CLYBL: variants seen among roughly 807,000 people sequenced by gnomAD.
The protein encoded by CLYBL is citramalyl-CoA lyase.
Under a neutral mutation model 38.9 loss-of-function variants are expected in CLYBL, and 31 were observed. The ratio of observed to expected loss-of-function variants is 0.80; its 90% CI spans 0.60 to 1.08. The LOEUF (loss-of-function observed/expected upper bound fraction) is 1.08, where lower values mean the gene tolerates loss of function less well. Ranked by LOEUF, CLYBL falls within the 50% of genes least tolerant of loss-of-function variation. CLYBL has a pLI of 0.00. For missense variants in CLYBL, 434 were observed against 411.6 expected (o/e 1.05, Z -0.47); for synonymous variants, 171 against 158.6 (o/e 1.08, Z -0.59).
chr13:99,706,671 C>T (rs1166342668), intron 1 of CLYBL, among the ~76,000 whole-genome samples: 2 of 152,216 alleles, frequency 1.3e-5, no homozygotes, highest in African/African-American at 4.8e-5. Flanking sequence ...AGTAGATCTA[C>T]ATGTCCCTAA....
At chr13:99,641,362 T>G (rs2047090865) in intron 1 of CLYBL, among the ~76,000 whole-genome samples, 1 of 152,220 alleles carries the variant, frequency 6.6e-6, no homozygotes, top group Admixed American at 6.5e-5. Flanking sequence ...AAAAAATCAC[T>G]TTATTTCTTA....
Position 99,743,973 on chromosome 13 carries a change from T to C in CLYBL, c.63-28851T>C, listed in dbSNP as rs1390613803. Reference sequence around the variant, plus strand: ...TTTTTTTTTCTCTTCTTTCTTTTTTTTTTTTTTTTTTTTTTTTGAGACGGA... The same window carrying C: ...TTTTTTTTTCTCTTCTTTCTTTTTTCTTTTTTTTTTTTTTTTTGAGACGGA... On this transcript the variant is annotated intron_variant, in intron 1 of 8. Transcript: ENST00000339105. Among the ~76,000 whole-genome samples the C allele has an allele frequency of 3.9e-4, 54 of 137,598 alleles. 1 individual carries two copies. The highest frequency in any genetic ancestry group is 6.6e-4 in the Non-Finnish European group (42 of 63,606). The allele number at this position is 137,598 out of a possible 152,430, so 90.3% of individuals were successfully genotyped here. A position where few individuals can be genotyped will look rare whatever the true frequency, so the allele number is the denominator to read the frequency against.
chr13:99,817,654 C>CAAAAAAAAAAAA (rs1189248896), intron 2 of CLYBL, among the ~76,000 whole-genome samples: 9 of 48,972 alleles, frequency 1.8e-4, no homozygotes, highest in East Asian at 1.7e-3. Flanking sequence ...GACTCTGTCT[C>CAAAAAAAAAAAA]AAAAAAAAAA....
intron 7 of CLYBL, among the ~76,000 whole-genome samples, chr13:99,889,540 G>A (rs917923237): frequency 5.3e-5 from 8 of 152,176 alleles, no homozygotes; most frequent in Non-Finnish European, 1.2e-4. Context: ...GGTAAAAACA[G>A]TAAAAACAAG....
In CLYBL at chr13:99,642,655, T is replaced by C. The variant is rs2047113413; in HGVS notation, c.62+35898T>C. ...CTGGTCTCAAACTCCTGGGTTCAGG[T>C]GATCCTTCTGCCTCATTCTTCCCAA... On this transcript the variant is annotated intron_variant, in intron 1 of 8. Transcript: ENST00000339105. 3.3e-5 allele frequency among the ~76,000 whole-genome samples: 5 copies of C among 152,216 alleles called. No homozygotes were observed. In the South Asian group the frequency reaches 1.0e-3, roughly 32 times the overall value.
intron 1 of CLYBL, among the ~76,000 whole-genome samples, chr13:99,694,121 A>G (rs2047946047): frequency 6.6e-6 from 1 of 152,186 alleles, no homozygotes; most frequent in African/African-American, 2.4e-5. Context: ...TCTTTCCTTC[A>G]TCTGTGAGGC....
rs181842641 is a variant in CLYBL at position 99,788,316 on chromosome 13, G to A, written c.249+15306G>A. On this transcript the variant is annotated intron_variant, in intron 2 of 8. Transcript: ENST00000339105. ...AATGCTTCCAGTTTTTGCCCATTCA[G>A]TATGATACTGGCTGTGGATTTGTCA... Among the ~76,000 whole-genome samples, 977 of 152,188 alleles carry A rather than the reference G, an allele frequency of 6.4e-3. 9 individuals carry two copies. Among genetic ancestry groups the A allele is most frequent in the African/African-American group, 0.023 (947 of 41,496 alleles).
At chr13:99,745,071 A>G (rs1212980912) in intron 1 of CLYBL, among the ~76,000 whole-genome samples, 2 of 152,222 alleles carry the variant, frequency 1.3e-5, no homozygotes, top group African/African-American at 2.4e-5. Context: ...AGGGAAGACA[A>G]ATATCAGCGT....
chr13:99,860,210 G>A (rs1028183860), intron 3 of CLYBL, among the ~76,000 whole-genome samples: 2 of 152,084 alleles, frequency 1.3e-5, no homozygotes, highest in Admixed American at 6.6e-5. Flanking sequence ...AAACTATCTC[G>A]ATAATTTTTA....
intron 1 of CLYBL, among the ~76,000 whole-genome samples, chr13:99,725,876 C>T (rs1453815872): frequency 6.6e-6 from 1 of 152,136 alleles, no homozygotes; most frequent in African/African-American, 2.4e-5. Flanking sequence ...TGCTTTCTCT[C>T]CTGTTAATCC....
intron 1 of CLYBL, among the ~76,000 whole-genome samples, chr13:99,704,078 A>G (rs1370330524): frequency 6.6e-6 from 1 of 152,210 alleles, no homozygotes; most frequent in Non-Finnish European, 1.5e-5. Context: ...GCTTATGTAA[A>G]GACTCAAGCC....
At chr13:99,751,247 G>A (rs189270658) in intron 1 of CLYBL, among the ~76,000 whole-genome samples, 3 of 151,404 alleles carry the variant, frequency 2.0e-5, no homozygotes, top group African/African-American at 4.9e-5. Flanking sequence ...TTTAGATGGA[G>A]TCTCACTCTG....
Position 99,733,246 on chromosome 13 carries a change from T to C in CLYBL, c.63-39578T>C, listed in dbSNP as rs576121180. Among the ~76,000 whole-genome samples, 3 of 151,876 alleles carry C rather than the reference T, an allele frequency of 2.0e-5. No homozygotes were observed. The South Asian group carries it at 6.2e-4, about 32-fold the overall frequency. On this transcript the variant is annotated intron_variant, in intron 1 of 8. Transcript: ENST00000339105. ...CTCATAATCCCAATAATGTAAGATA[T>C]AGTAGAGATGAGTAGAGAACAGAAC...
intron 2 of CLYBL, among the ~76,000 whole-genome samples, chr13:99,839,843 C>T (rs34591731): frequency 0.66 from 100,175 of 151,776 alleles, 33,923 homozygotes; most frequent in African/African-American, 0.81. Flanking sequence ...CCAGTTATAC[C>T]CTTCTAGTTA....
intron 1 of CLYBL, among the ~76,000 whole-genome samples, chr13:99,754,748 C>CTTTT (rs35982336): frequency 1.4e-4 from 17 of 124,420 alleles, no homozygotes; most frequent in East Asian, 2.4e-4. Flanking sequence ...CCATGCCCAG[C>CTTTT]TTTTTTTTTT....
intron 1 of CLYBL, among the ~76,000 whole-genome samples, chr13:99,730,524 G>A (rs2048569825): frequency 6.6e-6 from 1 of 152,210 alleles, no homozygotes; most frequent in African/African-American, 2.4e-5. Context: ...GCCATGCCAG[G>A]CGAAGAGGAA....
chr13:99,864,719 T>C, intron 4 of CLYBL, 99 bp from the exon 5 acceptor site: 1 of 785,090 alleles, frequency 1.3e-6, no homozygotes, highest in Non-Finnish European at 2.2e-6. Context: ...AGCCAAACTG[T>C]GTTAAGAGTC....
intron 2 of CLYBL, among the ~76,000 whole-genome samples, chr13:99,814,777 T>C (rs2050410976): frequency 6.7e-6 from 1 of 148,438 alleles, no homozygotes; most frequent in Non-Finnish European, 1.5e-5. Context: ...AAGCCTATAA[T>C]CCCAGCACTT....
intron 2 of CLYBL, among the ~76,000 whole-genome samples, chr13:99,806,909 C>G (rs1180694759): frequency 2.6e-5 from 4 of 152,206 alleles, no homozygotes; most frequent in Non-Finnish European, 5.9e-5. Context: ...TCAGACTAAA[C>G]AGCATTTTAA....
Sources: allele counts gnomAD v4.1 joint callset (sites outside exome capture counted in the v4.1 genomes callset), GRCh38; gene constraint gnomAD v4.1.1; transcripts MANE v1.5; gene names NCBI Gene and HGNC (gene_info 2026-07-23, HGNC 2026-07-21).